Variants in CFAP20DC observed in about 807,000 individuals in gnomAD.
The protein encoded by CFAP20DC is protein CFAP20DC.
In CFAP20DC, 84 loss-of-function variants were observed where a neutral mutation model predicts 101.7. The ratio of observed to expected loss-of-function variants is 0.83; its 90% confidence interval spans 0.69 to 0.99. The LOEUF is 0.99. Ranked by LOEUF, CFAP20DC falls within the 50% of genes least tolerant of loss-of-function variation. The pLI is 0.00. For missense variants in CFAP20DC, 1,007 were observed against 970.3 expected, an observed-to-expected ratio of 1.04 and a Z score of -0.50; for synonymous variants, 359 against 351.2, an observed-to-expected ratio of 1.02 and a Z score of -0.25.
At chr3:58,838,588 G>T (rs370657072) in intron 13 of CFAP20DC, among the ~76,000 whole-genome samples, 1 of 151,876 alleles carries the variant, frequency 6.6e-6, no homozygotes, top group South Asian at 2.1e-4. Flanking sequence ...ATGCATGAAA[G>T]GTTTTGTAAA....
At chr3:58,803,127 G>A (rs2073828857) in intron 15 of CFAP20DC, among the ~76,000 whole-genome samples, 1 of 152,150 alleles carries the variant, frequency 6.6e-6, no homozygotes, top group East Asian at 1.9e-4. Flanking sequence ...TCGGTCTCTG[G>A]AATAGTTGCA....
chr3:58,933,688 A>G (rs1209412723), intron 5 of CFAP20DC, among the ~76,000 whole-genome samples: 1 of 151,904 alleles, frequency 6.6e-6, no homozygotes, highest in East Asian at 1.9e-4. Flanking sequence ...TACATAATGA[A>G]ATGAAGGCAG....
At chr3:58,801,327 T>C (rs1452510967) in intron 15 of CFAP20DC, among the ~76,000 whole-genome samples, 3 of 152,156 alleles carry the variant, frequency 2.0e-5, no homozygotes, top group Non-Finnish European at 4.4e-5. Flanking sequence ...ATCATTACGA[T>C]TTAGTGCAAA....
chr3:58,805,133 C>T (rs1451254403), intron 15 of CFAP20DC, among the ~76,000 whole-genome samples: 3 of 152,216 alleles, frequency 2.0e-5, no homozygotes, highest in African/African-American at 7.2e-5. Context: ...GCTCAAGCTA[C>T]ACTAATCACA....
intron 13 of CFAP20DC, among the ~76,000 whole-genome samples, chr3:58,839,761 C>G (rs1428231596): frequency 1.3e-5 from 2 of 152,100 alleles, no homozygotes; most frequent in Non-Finnish European, 2.9e-5. Context: ...CTAGAATTTC[C>G]GAAACTTTTG....
chr3:59,026,865 G>A (rs2093902360), intron 4 of CFAP20DC, among the ~76,000 whole-genome samples: 1 of 152,134 alleles, frequency 6.6e-6, no homozygotes, highest in Admixed American at 6.6e-5. Flanking sequence ...CATTAAATTG[G>A]CTTGAGGCTA....
chr3:58,819,374 A>T (rs1476558346), intron 14 of CFAP20DC, among the ~76,000 whole-genome samples: 1 of 152,186 alleles, frequency 6.6e-6, no homozygotes, highest in African/African-American at 2.4e-5. Flanking sequence ...GAAAGGATCA[A>T]CAAAATTGAT....
intron 4 of CFAP20DC, among the ~76,000 whole-genome samples, chr3:58,988,209 G>T (rs139271760): frequency 6.6e-6 from 1 of 152,078 alleles, no homozygotes; most frequent in African/African-American, 2.4e-5. Flanking sequence ...TGATCAACTG[G>T]ACAGGTGCAG....
In CFAP20DC at chr3:58,930,190, G is replaced by A. The variant is rs527939218; in HGVS notation, c.393+7458C>T. ...TTTACATACATGTCTTAGCTCATCT[G>A]ACTTTAAGTTTCTGATGTTGCTTCA... is the stretch of plus-strand genomic sequence containing the variant. On this transcript the variant is annotated intron_variant, in intron 5 of 16. Transcript: ENST00000482387. Among the ~76,000 whole-genome samples the A allele has an allele frequency of 2.0e-4, 30 of 152,240 alleles. No homozygotes were observed. The South Asian group carries it at 6.0e-3, about 31-fold the overall frequency.
chr3:58,895,946 G>A (rs1025779149), intron 6 of CFAP20DC, among the ~76,000 whole-genome samples: 1 of 152,146 alleles, frequency 6.6e-6, no homozygotes, highest in Non-Finnish European at 1.5e-5. Context: ...TACAAGAACA[G>A]CACAAGAACG....
chr3:58,973,149 T>A (rs1436370302), intron 4 of CFAP20DC, among the ~76,000 whole-genome samples: 1 of 152,218 alleles, frequency 6.6e-6, no homozygotes, highest in Non-Finnish European at 1.5e-5. Context: ...ATGTTTTTTA[T>A]ATGTTCATAA....
At chr3:58,919,351 T>C (rs1204556796) in intron 5 of CFAP20DC, among the ~76,000 whole-genome samples, 1 of 152,222 alleles carries the variant, frequency 6.6e-6, no homozygotes, top group Non-Finnish European at 1.5e-5. Flanking sequence ...TTCAAGGTTT[T>C]GGCTATTATG....
chr3:58,763,701 T>C (rs1161073041), intron 15 of CFAP20DC, among the ~76,000 whole-genome samples: 1 of 152,204 alleles, frequency 6.6e-6, no homozygotes, highest in African/African-American at 2.4e-5. Flanking sequence ...GATGGTGATG[T>C]ACAGATGAGG....
At chr3:58,828,639 G>A (rs2076196921) in intron 14 of CFAP20DC, among the ~76,000 whole-genome samples, 1 of 152,076 alleles carries the variant, frequency 6.6e-6, no homozygotes, top group South Asian at 2.1e-4. Flanking sequence ...AGAAACTGGG[G>A]ACTGCTAAAG....
At chr3:58,923,789 A>C (rs138201682) in intron 5 of CFAP20DC, among the ~76,000 whole-genome samples, 1 of 152,170 alleles carries the variant, frequency 6.6e-6, no homozygotes, top group Non-Finnish European at 1.5e-5. Flanking sequence ...TTAAAATTTC[A>C]AACAATTTCA....
At chr3:58,985,269 A>G (rs1290426027) in intron 4 of CFAP20DC, among the ~76,000 whole-genome samples, 1 of 151,984 alleles carries the variant, frequency 6.6e-6, no homozygotes, top group Non-Finnish European at 1.5e-5. Flanking sequence ...TTCTCTTTTT[A>G]TACTAACACT....
At chr3:58,776,667 T>C (rs1030143897) in intron 15 of CFAP20DC, among the ~76,000 whole-genome samples, 14 of 150,580 alleles carry the variant, frequency 9.3e-5, no homozygotes, top group Non-Finnish European at 1.5e-5. Flanking sequence ...ATTACATACA[T>C]ATTTAAAAAT....
chr3:58,803,314 G>A (rs1315088369), intron 15 of CFAP20DC, among the ~76,000 whole-genome samples: 2 of 152,206 alleles, frequency 1.3e-5, no homozygotes, highest in Non-Finnish European at 2.9e-5. Flanking sequence ...GTATTGTTCA[G>A]AGCCTCCATA....
intron 3 of CFAP20DC, among the ~76,000 whole-genome samples, chr3:59,041,058 C>T (rs1363750133): frequency 1.3e-5 from 2 of 152,058 alleles, no homozygotes; most frequent in African/African-American, 4.8e-5. Flanking sequence ...ATGAGGCCAA[C>T]TTAAATAAAC....
Sources: allele counts gnomAD v4.1 joint callset (sites outside exome capture counted in the v4.1 genomes callset), GRCh38; gene constraint gnomAD v4.1.1; transcripts MANE v1.5; gene names NCBI Gene and HGNC (gene_info 2026-07-23, HGNC 2026-07-21).